Variants in DNM2 observed in about 807,000 individuals in gnomAD.
DNM2 encodes dynamin 2, also known as dynamin-2.
DNM2 carries 15 observed loss-of-function variants against 99.0 expected under a neutral mutation model. That is an observed-to-expected ratio of 0.15 (90% confidence interval 0.10 to 0.23). The LOEUF is 0.23. Among genes scored for constraint, DNM2 ranks in the 10% least tolerant of loss-of-function variants. The probability of loss-of-function intolerance (pLI) is 1.00; values close to 1 mark genes in which losing one functional copy is unlikely to be tolerated. For synonymous variants in DNM2, 525 were observed against 481.2 expected (o/e 1.09, Z -1.19); for missense variants, 742 against 1,189.4 (o/e 0.62, Z 5.53).
chr19:10,805,801 C>T (rs1049326160), intron 12 of DNM2, 115 bp from the exon 13 acceptor site: 59 of 1,337,248 alleles, frequency 4.4e-5, no homozygotes, highest in Non-Finnish European at 5.9e-5. Context: ...TTCTCTCTGC[C>T]TCTACCTGTG....
intron 1 of DNM2, among the ~76,000 whole-genome samples, chr19:10,750,300 G>A (rs373408808): frequency 2.2e-4 from 33 of 151,454 alleles, no homozygotes; most frequent in East Asian, 2.2e-3. Context: ...GCAACATAGC[G>A]AGACCCTGTC....
chr19:10,802,395 C>T (rs1415309949), intron 12 of DNM2, 37 bp downstream of exon 12: 1 of 1,603,068 alleles, frequency 6.2e-7, no homozygotes, highest in Non-Finnish European at 8.5e-7. Context: ...CGGGCGGCAC[C>T]AATCCTCACT....
rs571635966 is a variant in DNM2 at position 10,725,920 on chromosome 19, A to C, written c.161+7517A>C. ...AGGCATGAGCCACCACACCTGGCTA[A>C]TTACAAAAAAATTTTTTTGGCAGGG... On this transcript the variant is annotated intron_variant, in intron 1 of 20. Coordinates refer to ENST00000389253, the MANE Select transcript of DNM2 (RefSeq NM_001005361.3). Among the ~76,000 whole-genome samples the C allele has an allele frequency of 4.5e-4, 68 of 152,150 alleles. No individual in the cohort carries two copies. In the Middle Eastern group the frequency reaches 0.014, roughly 30 times the overall value.
At chr19:10,722,329 C>G (rs996114909) in intron 1 of DNM2, among the ~76,000 whole-genome samples, 5 of 152,132 alleles carry the variant, frequency 3.3e-5, no homozygotes, top group African/African-American at 4.8e-5. Flanking sequence ...TTTGAGACCC[C>G]TGGCTTGTCT....
intron 1 of DNM2, among the ~76,000 whole-genome samples, chr19:10,749,690 A>G (rs1241079795): frequency 6.6e-6 from 1 of 152,220 alleles, no homozygotes; most frequent in African/African-American, 2.4e-5. Flanking sequence ...CCCATTCAAC[A>G]AATACTTAAT....
At chr19:10,829,685 C>T (rs891441046) in intron 19 of DNM2, among the ~76,000 whole-genome samples, 3 of 152,144 alleles carry the variant, frequency 2.0e-5, no homozygotes, top group Admixed American at 6.5e-5. Flanking sequence ...CCATTGAGGC[C>T]GTCGGGCAGG....
intron 3 of DNM2, among the ~76,000 whole-genome samples, chr19:10,773,274 A>C (rs780033429): frequency 2.6e-5 from 4 of 151,496 alleles, no homozygotes; most frequent in Non-Finnish European, 5.9e-5. Context: ...CAGCCTCCCA[A>C]GTAGCTAGGA....
chr19:10,808,868 T>A (rs905974555), intron 14 of DNM2: 55 of 407,126 alleles, frequency 1.4e-4, no homozygotes, highest in Non-Finnish European at 2.1e-4. Context: ...GGCAAATACT[T>A]ACACACCGCC....
intron 1 of DNM2, among the ~76,000 whole-genome samples, chr19:10,752,064 A>G (rs1402320671): frequency 6.6e-6 from 1 of 152,184 alleles, no homozygotes; most frequent in Non-Finnish European, 1.5e-5. Flanking sequence ...TTTTGTAGAT[A>G]AGGTGGGCAC....
chr19:10,787,861 T>G (rs4804139), intron 7 of DNM2, among the ~76,000 whole-genome samples: 142,314 of 150,892 alleles, frequency 0.94, 67,167 homozygotes, highest in East Asian at 1. Flanking sequence ...CCCAGGAGGT[T>G]GAGGTTGCAG....
intron 1 of DNM2, among the ~76,000 whole-genome samples, chr19:10,741,787 G>T (rs984528384): frequency 6.6e-6 from 1 of 151,442 alleles, no homozygotes; most frequent in Non-Finnish European, 1.5e-5. Flanking sequence ...TCCTGACCTT[G>T]TGATCCACCC....
intron 1 of DNM2, among the ~76,000 whole-genome samples, chr19:10,755,923 C>G (rs1433591251): frequency 6.6e-6 from 1 of 152,130 alleles, no homozygotes; most frequent in Non-Finnish European, 1.5e-5. Flanking sequence ...CTTGGCTTCC[C>G]AAAGTGCTGG....
chr19:10,793,278 A>G (rs1225930194), intron 7 of DNM2, among the ~76,000 whole-genome samples: 2 of 152,206 alleles, frequency 1.3e-5, no homozygotes, highest in Non-Finnish European at 2.9e-5. Flanking sequence ...AGTCCTGTCC[A>G]AGGCCTCACA....
chr19:10,747,744 G>A (rs1391015683), intron 1 of DNM2, among the ~76,000 whole-genome samples: 1 of 152,218 alleles, frequency 6.6e-6, no homozygotes, highest in Non-Finnish European at 1.5e-5. Context: ...AGGATGTTGA[G>A]GTGGGGGCAG....
chr19:10,823,519 G>C (rs1030490617), intron 16 of DNM2: 1 of 471,622 alleles, frequency 2.1e-6, no homozygotes, highest in Non-Finnish European at 3.9e-6. Context: ...GGTGTCGAGG[G>C]TCACATGCCC....
chr19:10,828,059 C>T (rs139308391), intron 18 of DNM2, among the ~76,000 whole-genome samples: 5 of 151,920 alleles, frequency 3.3e-5, no homozygotes, highest in Non-Finnish European at 5.9e-5. Flanking sequence ...GAGGCCAAGG[C>T]GGGTGGATCA....
intron 18 of DNM2, among the ~76,000 whole-genome samples, chr19:10,828,053 CCAAGGCGGGTGGATCACCTGAGGT>C (rs1391625465): frequency 6.6e-6 from 1 of 152,032 alleles, no homozygotes; most frequent in African/African-American, 2.4e-5. Context: ...CTTTGGGAGG[CCAAGGCGGGTGGATCACCTGAGGT>C]CAGGAGTTAA....
At chr19:10,785,489 G>A (rs1435952998) in intron 6 of DNM2, among the ~76,000 whole-genome samples, 2 of 152,118 alleles carry the variant, frequency 1.3e-5, no homozygotes, top group South Asian at 2.1e-4. Flanking sequence ...GGATTGCAGT[G>A]ACACAAACAC....
chr19:10,793,235 T>G (rs1599564653), intron 7 of DNM2, among the ~76,000 whole-genome samples: 1 of 152,218 alleles, frequency 6.6e-6, no homozygotes, highest in South Asian at 2.1e-4. Flanking sequence ...CAACCCATTT[T>G]GTAGATGAGG....
Sources: gnomAD v4.1 joint callset for allele counts (sites outside exome capture counted in the v4.1 genomes callset) on GRCh38, gnomAD v4.1.1 for gene constraint, MANE v1.5 for transcripts, NCBI Gene and HGNC (gene_info 2026-07-23, HGNC 2026-07-21) for gene names.